Variants in EMC1 observed in about 807,000 individuals in gnomAD.
The protein encoded by EMC1 is ER membrane protein complex subunit 1, also known as KIAA0090.
A neutral mutation model predicts 128.8 loss-of-function variants in EMC1; 103 were observed. The observed-to-expected ratio is 0.80, with a 90% CI of 0.68 to 0.94. The LOEUF is 0.94. EMC1 is among the 40% of genes least tolerant of loss of function. The probability of loss-of-function intolerance (pLI) is 0.00; values close to 1 mark genes in which losing one functional copy is unlikely to be tolerated. For missense variants in EMC1, 1,083 were observed against 1,250.6 expected (o/e 0.87, Z 2.02); for synonymous variants, 442 against 490.4 (o/e 0.90, Z 1.30).
chr1:19,242,853 T>C (rs575542743), intron 4 of EMC1, among the ~76,000 whole-genome samples: 2 of 152,350 alleles, frequency 1.3e-5, no homozygotes, highest in East Asian at 1.9e-4. Flanking sequence ...CACAGTCCCA[T>C]GTGTTCTCAT....
intron 18 of EMC1, 149 bp downstream of exon 18, chr1:19,227,164 C>T: frequency 1.3e-6 from 1 of 795,374 alleles, no homozygotes; most frequent in Non-Finnish European, 2.0e-6. Flanking sequence ...GGTATATTAT[C>T]CCCATTTCAC....
At chr1:19,241,419 G>A (rs1309759697) in intron 5 of EMC1, among the ~76,000 whole-genome samples, 2 of 152,180 alleles carry the variant, frequency 1.3e-5, no homozygotes, top group Non-Finnish European at 2.9e-5. Context: ...CAATCAGGTG[G>A]GTAAGGCTGC....
intron 19 of EMC1, 147 bp downstream of exon 19, chr1:19,223,249 G>A: frequency 1.4e-6 from 1 of 731,618 alleles, no homozygotes; most frequent in Non-Finnish European, 2.3e-6. Context: ...TGATTCCTGA[G>A]CCCAGTGCCC....
rs772560574 is a variant in EMC1 at position 19,239,986 on chromosome 1, C to G, written c.787-1G>C. On this transcript the variant is annotated splice_acceptor_variant, in intron 7 of 22. Coordinates refer to ENST00000477853, the MANE Select transcript of EMC1 (RefSeq NM_015047.3). LOFTEE classifies it high-confidence loss of function. ...CACTTCCAAATTCTAAGTCGAGAGACTGGAAGGCAAGAAGGAGGAGGATTA... is the reference window on the plus strand; with the variant it reads ...CACTTCCAAATTCTAAGTCGAGAGAGTGGAAGGCAAGAAGGAGGAGGATTA... 7 of 1,609,320 alleles carry G rather than the reference C, an allele frequency of 4.3e-6. No homozygotes were observed. Among genetic ancestry groups the G allele is most frequent in the Non-Finnish European group, 5.1e-6 (6 of 1,176,762 alleles).
intron 12 of EMC1, among the ~76,000 whole-genome samples, chr1:19,235,904 A>T (rs1354146825): frequency 1.3e-5 from 2 of 151,968 alleles, no homozygotes; most frequent in African/African-American, 2.4e-5. Flanking sequence ...AAATAAATAA[A>T]TAAATAAACA....
At chr1:19,234,619 T>C (rs757450845) in intron 13 of EMC1, among the ~76,000 whole-genome samples, 3 of 152,074 alleles carry the variant, frequency 2.0e-5, no homozygotes, top group Admixed American at 6.5e-5. Flanking sequence ...AGGCCAAAGC[T>C]GGCAGATCAT....
At chr1:19,234,307 G>T in intron 13 of EMC1, 1 of 298,826 alleles carries the variant, frequency 3.3e-6, no homozygotes. Context: ...TCCGTTGGAG[G>T]GCTGGATGAA....
At position 19,240,444 on chromosome 1, in the gene EMC1, A is replaced by G; in HGVS notation, c.639T>C (p.Val213=). The part of the protein sequence containing the change: ...NVEDGEIVQQ[V]RVSTPWLQHL... ...GCTGCAGCCACGGAGTTGAAACCCT[A>G]ACCTACAGAAAAGTCATCGTTAACA... is the stretch of plus-strand genomic sequence containing the variant. The change falls in exon 7 of 23, where the codon GTT becomes GTC. Residue 213 remains valine (V), a splice_region_variant and synonymous_variant. Transcript: ENST00000477853. The G allele has an allele frequency of 6.2e-7, 1 of 1,614,070 alleles. No individual in the cohort carries two copies.
Position 19,228,205 on chromosome 1 carries a change from C to CAA in EMC1, c.2065-757_2065-756dup, listed in dbSNP as rs35109698. Among the ~76,000 whole-genome samples the CAA allele has an allele frequency of 3.1e-3, 319 of 101,836 alleles. 1 individual carries two copies. The highest frequency in any genetic ancestry group is 0.018 in the Middle Eastern group (3 of 164). The allele number at this position is 101,836 out of a possible 152,430, so 66.8% of individuals were successfully genotyped here. ...GGGCAACAAGAGCGAAACTCCGGCT[C>CAA]AAAAAAAAAAAAAAAAAGATAATAA... is the stretch of plus-strand genomic sequence containing the variant. On this transcript the variant is annotated intron_variant, in intron 17 of 22. Transcript: ENST00000477853.
rs1450604489 is a variant in EMC1 at position 19,220,603 on chromosome 1, G to A, written c.2672+161C>T. 7.7e-6 allele frequency: 4 copies of A among 517,318 alleles called. No individual in the cohort carries two copies. The Admixed American group carries it at 1.1e-4, about 14-fold the overall frequency. The allele number at this position is 517,318 out of a possible 1,614,324, so 32.0% of individuals were successfully genotyped here. A position where few individuals can be genotyped will look rare whatever the true frequency, so the allele number is the denominator to read the frequency against. On this transcript the variant is annotated intron_variant, in intron 21 of 22. Transcript: ENST00000477853. ...TTTATTGTCCATTTCCCAGCAGACTGTAAGCTCCATGAGGGCAGGTGACTT... is the reference window on the plus strand; with the variant it reads ...TTTATTGTCCATTTCCCAGCAGACTATAAGCTCCATGAGGGCAGGTGACTT...
rs143475773 is a variant in EMC1 at position 19,239,998 on chromosome 1, A to T, written c.787-13T>A. On this transcript the variant is annotated splice_polypyrimidine_tract_variant and intron_variant, in intron 7 of 22. Coordinates refer to ENST00000477853, the MANE Select transcript of EMC1 (RefSeq NM_015047.3). ...CTAAGTCGAGAGACTGGAAGGCAAG[A>T]AGGAGGAGGATTATGGCTAACAGCT... The T allele has an allele frequency of 6.2e-7, 1 of 1,606,830 alleles. No homozygotes were observed. The highest frequency in any genetic ancestry group is 8.5e-7 in the Non-Finnish European group (1 of 1,175,192).
rs753299722 is a variant in EMC1 at position 19,232,757 on chromosome 1, C to T, written c.1649G>A (p.Ser550Asn). ...TTTCCACAGGATGGTGCCAGAGCTG[C>T]TCTCAATGCCAAAAAGCTGCAAGAT... ...TASGKLFGIE[S>N]SSGTILWKQY... Residue 550 changes from serine to asparagine, a missense_variant, in exon 15 of 23, where the codon AGC becomes AAC. By Grantham distance (46) the Ser-to-Asn change is conservative (BLOSUM62 1). Transcript: ENST00000477853. 7 of 1,614,082 alleles carry T rather than the reference C, an allele frequency of 4.3e-6. No homozygotes were observed.
intron 18 of EMC1, among the ~76,000 whole-genome samples, chr1:19,224,119 C>T (rs2093453305): frequency 6.6e-6 from 1 of 152,186 alleles, no homozygotes; most frequent in Non-Finnish European, 1.5e-5. Flanking sequence ...ACTTTACTGG[C>T]CTCTCCTTCT....
At chr1:19,237,272 G>T in intron 11 of EMC1, 34 bp from the exon 12 acceptor site, 1 of 1,529,784 alleles carries the variant, frequency 6.5e-7, no homozygotes, top group Non-Finnish European at 9.1e-7. Context: ...TGTAGTCAGT[G>T]AGGATCCAAA....
intron 4 of EMC1, among the ~76,000 whole-genome samples, chr1:19,243,290 A>T (rs1409402810): frequency 6.6e-6 from 1 of 152,216 alleles, no homozygotes; most frequent in Non-Finnish European, 1.5e-5. Context: ...ACAATAGGTC[A>T]GGCTGTTCTT....
At chr1:19,223,172 G>A (rs1190703119) in intron 19 of EMC1, among the ~76,000 whole-genome samples, 2 of 152,206 alleles carry the variant, frequency 1.3e-5, no homozygotes, top group East Asian at 1.9e-4. Flanking sequence ...AACACAGAGC[G>A]TGTACATAAC....
intron 5 of EMC1, among the ~76,000 whole-genome samples, chr1:19,241,522 G>A (rs971615952): frequency 4.6e-5 from 7 of 151,918 alleles, no homozygotes; most frequent in Admixed American, 3.9e-4. Context: ...TTTCTTTGTT[G>A]TGTTTTTTTT....
intron 13 of EMC1, 151 bp from the exon 14 acceptor site, chr1:19,233,286 T>C (rs1558102166): frequency 4.4e-6 from 3 of 682,178 alleles, no homozygotes; most frequent in Non-Finnish European, 7.3e-6. Context: ...CTGTATCTGA[T>C]GCCCAAAGTC....
At chr1:19,237,390 TA>T in intron 11 of EMC1, 152 bp from the exon 12 acceptor site, 1 of 679,526 alleles carries the variant, frequency 1.5e-6, no homozygotes, top group Non-Finnish European at 2.7e-6. Context: ...TGGATGCCAG[TA>T]AGTGATACAT....
Sources: gnomAD v4.1 joint callset for allele counts (sites outside exome capture counted in the v4.1 genomes callset) on GRCh38, gnomAD v4.1.1 for gene constraint, MANE v1.5 for transcripts, NCBI Gene and HGNC (gene_info 2026-07-23, HGNC 2026-07-21) for gene names.